CAPN8: variants seen among roughly 807,000 people sequenced by gnomAD.
CAPN8 encodes the protein calpain-8.
A neutral mutation model predicts 80.9 loss-of-function variants in CAPN8; 87 were observed. The observed-to-expected ratio is 1.07, with a 90% CI of 0.90 to 1.28. The LOEUF (loss-of-function observed/expected upper bound fraction) is 1.28. CAPN8 is among the 50% of genes most tolerant of loss of function. CAPN8 has a pLI of 0.00. For synonymous variants in CAPN8, 299 were observed against 273.8 expected (o/e 1.09, Z -0.91); for missense variants, 757 against 702.0 (o/e 1.08, Z -0.89).
chr1:223,661,898 C>A (rs1255492101), intron 1 of CAPN8, among the ~76,000 whole-genome samples: 27 of 152,028 alleles, frequency 1.8e-4, no homozygotes, highest in Non-Finnish European at 1.8e-4. Context: ...TTCACAATAA[C>A]CAAAAGTGGA....
intron 2 of CAPN8, among the ~76,000 whole-genome samples, chr1:223,634,318 A>G (rs376195445): frequency 3.0e-4 from 46 of 152,028 alleles, no homozygotes; most frequent in African/African-American, 9.9e-4. Context: ...GGTCCACTGG[A>G]CCCTGAGGAA....
At chr1:223,639,556 C>A (rs1411987659) in intron 2 of CAPN8, among the ~76,000 whole-genome samples, 1 of 152,250 alleles carries the variant, frequency 6.6e-6, no homozygotes, top group African/African-American at 2.4e-5. Context: ...CACAAACTAA[C>A]CTCTAAAACC....
intron 2 of CAPN8, among the ~76,000 whole-genome samples, chr1:223,637,301 A>G (rs1251994662): frequency 6.6e-6 from 1 of 152,124 alleles, no homozygotes; most frequent in Non-Finnish European, 1.5e-5. Flanking sequence ...ATCTGTAGCC[A>G]CACTCCACCT....
Position 223,609,165 on chromosome 1 carries a change from T to G in CAPN8, c.1523A>C (p.Lys508Thr). The change falls in exon 12 of 21, where the codon AAG becomes ACG. Residue 508 changes from lysine (K) to threonine (T), a missense_variant. Transcript: ENST00000366872. The stretch of plus-strand genomic sequence containing the variant: ...GAAGGAGACGCACAGGGCCTGGGCC[T>G]TCTTCTCTGAGAACACTCTCAAGCA... The part of the protein sequence containing the change: ...EFCLRVFSEK[K>T]AQALEIGDVV... The G allele has an allele frequency of 2.5e-6, 1 of 398,392 alleles. No homozygotes were observed. Among genetic ancestry groups the G allele is most frequent in the Non-Finnish European group, 4.4e-6 (1 of 226,056 alleles). The allele number at this position is 398,392 out of a possible 1,614,324, so 24.7% of individuals were successfully genotyped here. A position where few individuals can be genotyped will look rare whatever the true frequency, so the allele number is the denominator to read the frequency against.
At chr1:223,554,392 G>C (rs1366930369) in intron 13 of CAPN8, among the ~76,000 whole-genome samples, 1 of 152,078 alleles carries the variant, frequency 6.6e-6, no homozygotes, top group Admixed American at 6.6e-5. Context: ...GGCTGAGGCG[G>C]GCAGGTCACG....
chr1:223,556,754 T>G (rs1656914829), intron 13 of CAPN8, among the ~76,000 whole-genome samples: 1 of 152,152 alleles, frequency 6.6e-6, no homozygotes, highest in Non-Finnish European at 1.5e-5. Context: ...AACCCTGCCC[T>G]TCCCATCCAA....
At chr1:223,615,105 T>C (rs543586023) in intron 10 of CAPN8, among the ~76,000 whole-genome samples, 2 of 152,356 alleles carry the variant, frequency 1.3e-5, no homozygotes, top group South Asian at 4.1e-4. Context: ...CATTGCACTA[T>C]TTCCTTACTG....
At chr1:223,619,657 G>C (rs1657323204) in intron 8 of CAPN8, among the ~76,000 whole-genome samples, 1 of 152,180 alleles carries the variant, frequency 6.6e-6, no homozygotes, top group African/African-American at 2.4e-5. Flanking sequence ...CTCTTACAGG[G>C]AGCCCCACAC....
chr1:223,627,862 G>GCT, intron 4 of CAPN8, 147 bp downstream of exon 4: 1 of 877,342 alleles, frequency 1.1e-6, no homozygotes, highest in Non-Finnish European at 1.6e-6. Context: ...ACTGAAAAAT[G>GCT]CTCTCTCTCC....
At chr1:223,556,603 G>A (rs922588889) in intron 13 of CAPN8, among the ~76,000 whole-genome samples, 24 of 152,312 alleles carry the variant, frequency 1.6e-4, no homozygotes, top group African/African-American at 5.8e-4. Context: ...ATGACCAGAA[G>A]AGACTTCCTG....
At position 223,543,121 on chromosome 1, in the gene CAPN8, A is replaced by C; in HGVS notation, c.2075T>G (p.Leu692Arg). 6.4e-7 allele frequency: 1 copy of C among 1,551,724 alleles called. No homozygotes were observed. The highest frequency in any genetic ancestry group is 8.7e-7 in the Non-Finnish European group (1 of 1,147,008). Residue 692 changes from leucine (L) to arginine (R), a missense_variant, in exon 20 of 21, where the codon CTC becomes CGC. Physicochemically the swap from Leu to Arg is moderately radical, Grantham distance 102. Transcript: ENST00000366872. The part of the protein sequence containing the change: ...LDEDKDGMVQ[L>R]SLAEWLCCVL... ...CAGGACATTCACCTCGGCCAGAGAG[A>C]GCTGAACCATGCCATCCTTGTCTTC...
intron 11 of CAPN8, among the ~76,000 whole-genome samples, chr1:223,610,688 G>A (rs1001078654): frequency 7.9e-5 from 12 of 152,118 alleles, no homozygotes; most frequent in Non-Finnish European, 1.5e-4. Context: ...GGAACTGGAG[G>A]ACACTGAGGC....
At chr1:223,549,174 A>G (rs930551801) in intron 16 of CAPN8, 144 bp downstream of exon 16, 1 of 1,079,280 alleles carries the variant, frequency 9.3e-7, no homozygotes, top group African/African-American at 1.6e-5. Flanking sequence ...GGCTTCAAGT[A>G]CAATCCTTGA....
chr1:223,659,763 T>G (rs1383887564), intron 1 of CAPN8, among the ~76,000 whole-genome samples: 1 of 152,144 alleles, frequency 6.6e-6, no homozygotes, highest in African/African-American at 2.4e-5. Flanking sequence ...CAAAAAACAG[T>G]GAAGTGGGTA....
intron 15 of CAPN8, among the ~76,000 whole-genome samples, chr1:223,550,376 G>A (rs1391513419): frequency 6.6e-6 from 1 of 152,116 alleles, no homozygotes; most frequent in Non-Finnish European, 1.5e-5. Flanking sequence ...CTCACTGGAA[G>A]ACTTAACCTG....
rs71690712 is a variant in CAPN8 at position 223,542,307 on chromosome 1, GTA to G, written c.2089-450_2089-449del. Among the ~76,000 whole-genome samples the G allele has an allele frequency of 0.013, 2,039 of 151,904 alleles. 97 individuals carry two copies. The East Asian group carries it at 0.15, about 11-fold the overall frequency. On this transcript the variant is annotated intron_variant, in intron 20 of 20. Coordinates refer to ENST00000366872, the MANE Select transcript of CAPN8 (RefSeq NM_001143962.2). ...TTCCTATATGTGCATATTTGTGTGT[GTA>G]TATATGTATATTTTATGCACCCACA...
At chr1:223,645,872 G>A (rs1261689788) in intron 2 of CAPN8, among the ~76,000 whole-genome samples, 1 of 152,186 alleles carries the variant, frequency 6.6e-6, no homozygotes, top group Non-Finnish European at 1.5e-5. Context: ...AGGGTAAACT[G>A]AAGTGCAAAG....
intron 2 of CAPN8, among the ~76,000 whole-genome samples, chr1:223,652,225 T>C (rs10799298): frequency 0.2 from 30,953 of 151,978 alleles, 4,749 homozygotes; most frequent in African/African-American, 0.42. Flanking sequence ...GCCTGCTGTC[T>C]CAGCTGCTCA....
chr1:223,618,928 A>C (rs373354564), intron 9 of CAPN8, among the ~76,000 whole-genome samples: 4 of 152,202 alleles, frequency 2.6e-5, no homozygotes, highest in African/African-American at 9.6e-5. Context: ...GGTGGCTCAC[A>C]ACTGTAATCC....
Sources: gnomAD v4.1 joint callset for allele counts (sites outside exome capture counted in the v4.1 genomes callset) on GRCh38, gnomAD v4.1.1 for gene constraint, MANE v1.5 for transcripts, NCBI Gene and HGNC (gene_info 2026-07-23, HGNC 2026-07-21) for gene names.